Variants in BTG3 observed in about 807,000 individuals in gnomAD.
BTG3 encodes the protein BTG anti-proliferation factor 3.
A neutral mutation model predicts 25.8 loss-of-function variants in BTG3; 4 were observed. The observed-to-expected ratio is 0.16, with a 90% CI of 0.08 to 0.36. BTG3 has a LOEUF of 0.36. BTG3 is among the 10% of genes least tolerant of loss of function. The pLI, the probability that BTG3 is intolerant of heterozygous loss-of-function variation, is 1.00. For synonymous variants in BTG3, 107 were observed against 99.9 expected, an observed-to-expected ratio of 1.07 and a Z score of -0.42; for missense variants, 201 against 304.9, an observed-to-expected ratio of 0.66 and a Z score of 2.54.
Position 17,612,872 on chromosome 21 carries a change from A to ACTGG in BTG3, c.-186_-183dup, listed in dbSNP as rs1231012458. ...GGGCGGCCAAGCGCGCGTTGAGAGG[A>ACTGG]CTGGCGGGCGGACGAGCGCGCACAC... On this transcript the variant is annotated 5_prime_UTR_variant, in exon 1 of 5. Transcript: ENST00000348354. 3 of 151,886 alleles carry ACTGG rather than the reference A, an allele frequency of 2.0e-5. No homozygotes were observed. Among genetic ancestry groups the ACTGG allele is most frequent in the African/African-American group, 4.8e-5 (2 of 41,364 alleles). 9.4% of individuals were successfully genotyped at this position (151,886 alleles called of 1,614,324 possible). A position where few individuals can be genotyped will look rare whatever the true frequency, so the allele number is the denominator to read the frequency against.
intron 2 of BTG3, 100 bp from the exon 3 acceptor site, chr21:17,605,097 T>C (rs1357851540): frequency 1.5e-6 from 2 of 1,316,850 alleles, no homozygotes; most frequent in African/African-American, 1.5e-5. Context: ...AAAATAGTAA[T>C]AAAAAAATAC....
At chr21:17,598,969 C>T in intron 3 of BTG3, 145 bp from the exon 4 acceptor site, 2 of 610,016 alleles carry the variant, frequency 3.3e-6, no homozygotes, top group Non-Finnish European at 5.5e-6. Flanking sequence ...CATTTAATAT[C>T]CTAATACAGC....
rs555032818 is a variant in BTG3, at chr21:17,602,435, T to C, written c.311+2425A>G. Reference sequence around the variant, plus strand: ...TAAAGATTCTCAGATATTTGATCAATTGTATACTTGCTAGATCAGCTTTAA... The same window carrying C: ...TAAAGATTCTCAGATATTTGATCAACTGTATACTTGCTAGATCAGCTTTAA... On this transcript the variant is annotated intron_variant, in intron 3 of 4. Coordinates refer to ENST00000348354, the MANE Select transcript of BTG3 (RefSeq NM_006806.5). 2.5e-3 allele frequency among the ~76,000 whole-genome samples: 384 copies of C among 152,294 alleles called. 1 individual carries two copies. The highest frequency in any genetic ancestry group is 3.4e-3 in the Middle Eastern group (1 of 294).
At chr21:17,602,745 C>T (rs2061590177) in intron 3 of BTG3, among the ~76,000 whole-genome samples, 1 of 152,138 alleles carries the variant, frequency 6.6e-6, no homozygotes, top group Non-Finnish European at 1.5e-5. Flanking sequence ...TTTTTTCCTA[C>T]CAGGCATCAT....
rs1249247375 is a variant in BTG3, at chr21:17,593,955, A to G, written c.*138T>C. On this transcript the variant is annotated 3_prime_UTR_variant, in exon 5 of 5. Transcript: ENST00000348354. ...TATTTTTTAAGAAAGATTATTCTCA[A>G]TAACTTCTATAAAAATAAGTTTGAT... is the stretch of plus-strand genomic sequence containing the variant. The G allele has an allele frequency of 1.9e-6, 2 of 1,040,216 alleles. No homozygotes were observed. The highest frequency in any genetic ancestry group is 2.7e-6 in the Non-Finnish European group (2 of 745,888). The allele number at this position is 1,040,216 out of a possible 1,614,324, so 64.4% of individuals were successfully genotyped here.
intron 3 of BTG3, among the ~76,000 whole-genome samples, chr21:17,599,726 C>T (rs1325663265): frequency 2.0e-5 from 3 of 152,098 alleles, no homozygotes; most frequent in East Asian, 1.9e-4. Context: ...GTGATCCACC[C>T]GCCTCGGCCT....
At position 17,601,020 on chromosome 21, in the gene BTG3, G is replaced by A. The variant is rs534637184; in HGVS notation, c.312-2196C>T. 3.4e-4 allele frequency among the ~76,000 whole-genome samples: 44 copies of A among 130,358 alleles called. 1 individual carries two copies. The highest frequency in any genetic ancestry group is 9.9e-4 in the South Asian group (4 of 4,048). 85.5% of individuals were successfully genotyped at this position (130,358 alleles called of 152,430 possible). On this transcript the variant is annotated intron_variant, in intron 3 of 4. Transcript: ENST00000348354. Reference sequence around the variant, plus strand: ...CTACTAAAAATACAAAAAATTAGCCGGGCATGGTGGTGTGCGCCTGTAATC... The same window carrying A: ...CTACTAAAAATACAAAAAATTAGCCAGGCATGGTGGTGTGCGCCTGTAATC...
intron 3 of BTG3, among the ~76,000 whole-genome samples, chr21:17,601,788 G>C (rs192061878): frequency 8.5e-4 from 129 of 152,234 alleles, no homozygotes; most frequent in Non-Finnish European, 1.6e-3. Flanking sequence ...AAAATGGAAA[G>C]GCAAGAAATT....
intron 1 of BTG3, among the ~76,000 whole-genome samples, chr21:17,610,318 C>T (rs888396466): frequency 6.6e-6 from 1 of 152,130 alleles, no homozygotes; most frequent in African/African-American, 2.4e-5. Context: ...GGGTGAATTG[C>T]ATGGTATATA....
At chr21:17,606,771 T>C (rs1301615841) in intron 2 of BTG3, among the ~76,000 whole-genome samples, 1 of 152,212 alleles carries the variant, frequency 6.6e-6, no homozygotes, top group Admixed American at 6.5e-5. Context: ...TATCATTTAC[T>C]TAATGTTGAC....
intron 4 of BTG3, among the ~76,000 whole-genome samples, chr21:17,597,276 T>G (rs2061516087): frequency 6.6e-6 from 1 of 152,078 alleles, no homozygotes; most frequent in South Asian, 2.1e-4. Context: ...ATTTGAGACT[T>G]ACATTCTTGC....
At chr21:17,604,188 A>G (rs1003956513) in intron 3 of BTG3, 122 of 1,233,982 alleles carry the variant, frequency 9.9e-5, no homozygotes, top group Non-Finnish European at 1.3e-4. Context: ...TCACGCCTGT[A>G]ATCCAGCGCT....
chr21:17,604,286 T>TAA, intron 3 of BTG3: 2 of 253,512 alleles, frequency 7.9e-6, no homozygotes, highest in Non-Finnish European at 8.0e-6. Context: ...ACTACAAATA[T>TAA]AAAAAAAAAT....
intron 2 of BTG3, among the ~76,000 whole-genome samples, chr21:17,605,727 A>T (rs1375313753): frequency 2.0e-5 from 3 of 152,226 alleles, no homozygotes; most frequent in African/African-American, 4.8e-5. Flanking sequence ...TGTTTAATAA[A>T]TAAAAAATAT....
At chr21:17,596,974 C>T (rs1350188663) in intron 4 of BTG3, among the ~76,000 whole-genome samples, 1 of 151,984 alleles carries the variant, frequency 6.6e-6, no homozygotes, top group Non-Finnish European at 1.5e-5. Flanking sequence ...TTTTTTAAAG[C>T]TTGTGGCAAT....
chr21:17,594,723 C>T (rs2061482149), intron 4 of BTG3, among the ~76,000 whole-genome samples: 1 of 151,978 alleles, frequency 6.6e-6, no homozygotes, highest in African/African-American at 2.4e-5. Context: ...AGGCCATTAT[C>T]CTTAGCAAAC....
chr21:17,604,176 G>A, intron 3 of BTG3: 5 of 1,264,492 alleles, frequency 4.0e-6, no homozygotes, highest in Non-Finnish European at 5.1e-6. Context: ...GGGCGCAGTG[G>A]CTCACGCCTG....
chr21:17,598,132 C>A (rs568555739), intron 4 of BTG3, among the ~76,000 whole-genome samples: 1 of 152,164 alleles, frequency 6.6e-6, no homozygotes, highest in Admixed American at 6.5e-5. Flanking sequence ...AGTGCAGGCA[C>A]ACTAGCTATA....
At chr21:17,602,033 G>A (rs1036243264) in intron 3 of BTG3, among the ~76,000 whole-genome samples, 15 of 151,846 alleles carry the variant, frequency 9.9e-5, no homozygotes, top group African/African-American at 3.6e-4. Context: ...TAGACACCTG[G>A]ACAACTTTTA....
Sources: allele counts gnomAD v4.1 joint callset (sites outside exome capture counted in the v4.1 genomes callset), GRCh38; gene constraint gnomAD v4.1.1; transcripts MANE v1.5; gene names NCBI Gene and HGNC (gene_info 2026-07-23, HGNC 2026-07-21).